Variants in SNX24 observed in about 807,000 individuals in gnomAD.
SNX24 encodes sorting nexin 24, also known as sorting nexin-24.
Under a neutral mutation model 28.7 loss-of-function variants are expected in SNX24, and 22 were observed. That is an observed-to-expected ratio of 0.77 (90% CI 0.55 to 1.10). The LOEUF is 1.10. Among genes scored for constraint, SNX24 ranks in the 50% least tolerant of loss-of-function variants. The pLI is 0.00. For missense variants in SNX24, 221 were observed against 201.1 expected, an observed-to-expected ratio of 1.10 and a Z score of -0.60; for synonymous variants, 69 against 71.5, an observed-to-expected ratio of 0.96 and a Z score of 0.18.
intron 1 of SNX24, among the ~76,000 whole-genome samples, chr5:122,901,655 T>C (rs1006187485): frequency 2.0e-5 from 3 of 152,186 alleles, no homozygotes; most frequent in African/African-American, 4.8e-5. Flanking sequence ...TTGTCTCCTG[T>C]CATTGCCCCT....
At chr5:122,939,427 T>G (rs767284723) in intron 2 of SNX24, among the ~76,000 whole-genome samples, 5 of 152,206 alleles carry the variant, frequency 3.3e-5, no homozygotes, top group African/African-American at 1.2e-4. Context: ...TCTAGATTGT[T>G]TTTGCTTATT....
intron 1 of SNX24, among the ~76,000 whole-genome samples, chr5:122,892,884 G>C (rs1757034166): frequency 6.6e-6 from 1 of 151,854 alleles, no homozygotes; most frequent in Non-Finnish European, 1.5e-5. Context: ...TTGTGCCTCA[G>C]TCTCCCTAGT....
At chr5:123,011,187 A>G (rs1762570554), downstream of SNX24, among the ~76,000 whole-genome samples, 1 of 152,058 alleles carries the variant, frequency 6.6e-6, no homozygotes, top group Admixed American at 6.5e-5. Flanking sequence ...GGACAGAGAA[A>G]GGAAACCAGA....
At chr5:122,910,676 T>A (rs1757844271) in intron 1 of SNX24, among the ~76,000 whole-genome samples, 2 of 139,206 alleles carry the variant, frequency 1.4e-5, no homozygotes, top group South Asian at 4.8e-4. Flanking sequence ...TGTCCATGTG[T>A]TCTCATTGTT....
At chr5:122,900,638 A>G (rs1757399790) in intron 1 of SNX24, among the ~76,000 whole-genome samples, 2 of 152,010 alleles carry the variant, frequency 1.3e-5, no homozygotes. Flanking sequence ...GTATGGTGGC[A>G]CACACCTATA....
chr5:122,912,363 A>AT (rs1757929092), intron 1 of SNX24, among the ~76,000 whole-genome samples: 1 of 151,082 alleles, frequency 6.6e-6, no homozygotes, highest in African/African-American at 2.4e-5. Context: ...GCTTAAGGAG[A>AT]TTTTGGGCTG....
chr5:122,922,396 G>T (rs1758471160), intron 1 of SNX24, among the ~76,000 whole-genome samples: 1 of 152,032 alleles, frequency 6.6e-6, no homozygotes, highest in South Asian at 2.1e-4. Flanking sequence ...GGGATTACAG[G>T]CACGTGCCAT....
At chr5:123,001,354 T>C in intron 4 of SNX24, 51 bp from the exon 5 acceptor site, 1 of 1,234,448 alleles carries the variant, frequency 8.1e-7, no homozygotes, top group South Asian at 1.3e-5. Context: ...GCATAAACAT[T>C]GACTCAACAT....
intron 1 of SNX24, among the ~76,000 whole-genome samples, chr5:122,869,377 G>C (rs1755875535): frequency 6.6e-6 from 1 of 152,170 alleles, no homozygotes; most frequent in Non-Finnish European, 1.5e-5. Context: ...ATACTGGTTA[G>C]ATTTCTGACG....
chr5:123,025,931 G>A (rs768438238), intron 5 of SNX24: 2 of 1,609,400 alleles, frequency 1.2e-6, no homozygotes, highest in Non-Finnish European at 1.7e-6. Flanking sequence ...TCAGCTTGAA[G>A]TTCTCATCTG....
At chr5:122,921,306 A>T (rs1758421638) in intron 1 of SNX24, among the ~76,000 whole-genome samples, 1 of 152,176 alleles carries the variant, frequency 6.6e-6, no homozygotes, top group Admixed American at 6.5e-5. Flanking sequence ...TTGTAAAAGG[A>T]TAGCTTTGGC....
intron 1 of SNX24, chr5:122,891,135 A>C (rs1479151106): frequency 1.4e-6 from 2 of 1,461,578 alleles, no homozygotes; most frequent in Non-Finnish European, 1.8e-6. Flanking sequence ...GGTATTTTTG[A>C]CTGTAGAAAA....
intron 1 of SNX24, among the ~76,000 whole-genome samples, chr5:122,865,370 G>A (rs1755667854): frequency 6.6e-6 from 1 of 152,158 alleles, no homozygotes; most frequent in Non-Finnish European, 1.5e-5. Flanking sequence ...TTGCTCTGTT[G>A]CCCAGGCTAG....
chr5:122,853,641 A>C (rs761247427), intron 1 of SNX24: 1 of 366,524 alleles, frequency 2.7e-6, no homozygotes, highest in African/African-American at 2.1e-5. Flanking sequence ...TTATTTTCAA[A>C]TTTATGTATT....
chr5:122,864,851 A>G (rs756686032), intron 1 of SNX24, among the ~76,000 whole-genome samples: 17 of 152,248 alleles, frequency 1.1e-4, no homozygotes, highest in Non-Finnish European at 2.4e-4. Flanking sequence ...TCTTAGTCCT[A>G]CAAAGGCAGT....
chr5:122,885,710 G>A (rs1018866006), intron 1 of SNX24, among the ~76,000 whole-genome samples: 1 of 152,152 alleles, frequency 6.6e-6, no homozygotes, highest in Non-Finnish European at 1.5e-5. Context: ...AGAATCAGTG[G>A]ATTTGGAATA....
intron 1 of SNX24, among the ~76,000 whole-genome samples, chr5:122,928,800 T>C (rs1027552197): frequency 3.3e-5 from 5 of 151,320 alleles, no homozygotes; most frequent in South Asian, 2.1e-4. Context: ...GATGAGTATA[T>C]GGCTATAATT....
intron 2 of SNX24, among the ~76,000 whole-genome samples, chr5:122,938,425 A>G (rs1172313164): frequency 6.6e-6 from 1 of 152,258 alleles, no homozygotes; most frequent in African/African-American, 2.4e-5. Flanking sequence ...TTAATAGAAT[A>G]GAAATTCACA....
intron 1 of SNX24, among the ~76,000 whole-genome samples, chr5:122,934,947 A>T (rs1759119538): frequency 6.6e-6 from 1 of 151,988 alleles, no homozygotes. Flanking sequence ...AAGAGATGAC[A>T]TTCCATGAAG....
Sources: allele counts gnomAD v4.1 joint callset (sites outside exome capture counted in the v4.1 genomes callset), GRCh38; gene constraint gnomAD v4.1.1; transcripts MANE v1.5; gene names NCBI Gene and HGNC (gene_info 2026-07-23, HGNC 2026-07-21).